NCK2: variants seen among roughly 807,000 people sequenced by gnomAD.
NCK2 encodes NCK adaptor protein 2, also known as cytoplasmic protein NCK2.
Under a neutral mutation model 33.9 loss-of-function variants are expected in NCK2, and 16 were observed. The observed-to-expected ratio is 0.47, with a 90% confidence interval of 0.32 to 0.72. The LOEUF (loss-of-function observed/expected upper bound fraction) is 0.72, where lower values mean the gene tolerates loss of function less well. Among genes scored for constraint, NCK2 ranks in the 30% least tolerant of loss-of-function variants. The pLI is 0.03. For synonymous variants in NCK2, 273 were observed against 239.9 expected, an observed-to-expected ratio of 1.14 and a Z score of -1.27; for missense variants, 418 against 537.3, an observed-to-expected ratio of 0.78 and a Z score of 2.19.
At chr2:105,802,461 C>T (rs1325273345) in intron 1 of NCK2, among the ~76,000 whole-genome samples, 2 of 152,174 alleles carry the variant, frequency 1.3e-5, no homozygotes, top group Non-Finnish European at 2.9e-5. Flanking sequence ...GCAGGAGGTA[C>T]AGGAAGCATG....
chr2:105,797,391 G>T (rs535943410), intron 1 of NCK2, among the ~76,000 whole-genome samples: 2 of 152,170 alleles, frequency 1.3e-5, no homozygotes, highest in African/African-American at 2.4e-5. Context: ...CCAGCCATGC[G>T]GTTCCATATT....
chr2:105,841,703 G>A (rs1290174603), intron 2 of NCK2, among the ~76,000 whole-genome samples: 1 of 138,098 alleles, frequency 7.2e-6, no homozygotes, highest in Non-Finnish European at 1.6e-5. Flanking sequence ...TCCTGAAGCT[G>A]CCTAGGGGCT....
At chr2:105,800,477 T>C (rs1674787415) in intron 1 of NCK2, among the ~76,000 whole-genome samples, 1 of 152,324 alleles carries the variant, frequency 6.6e-6, no homozygotes, top group East Asian at 1.9e-4. Flanking sequence ...GTTCCTGAGC[T>C]TTAAACTTGA....
chr2:105,879,391 G>C (rs1678371678), intron 3 of NCK2, among the ~76,000 whole-genome samples: 1 of 152,214 alleles, frequency 6.6e-6, no homozygotes, highest in African/African-American at 2.4e-5. Flanking sequence ...TTGTGGAGCT[G>C]TGGCGGTATC....
intron 3 of NCK2, among the ~76,000 whole-genome samples, chr2:105,869,551 A>G (rs1383918086): frequency 6.6e-6 from 1 of 152,210 alleles, no homozygotes; most frequent in African/African-American, 2.4e-5. Flanking sequence ...GTCTTTGCCA[A>G]CCACGTGCCA....
chr2:105,796,402 T>C (rs1691082041), intron 1 of NCK2, among the ~76,000 whole-genome samples: 1 of 152,192 alleles, frequency 6.6e-6, no homozygotes, highest in South Asian at 2.1e-4. Context: ...CAATTTCCAC[T>C]AAAAAGAGGA....
intron 1 of NCK2, among the ~76,000 whole-genome samples, chr2:105,787,980 C>T (rs1017127807): frequency 2.6e-5 from 4 of 151,660 alleles, no homozygotes; most frequent in African/African-American, 9.7e-5. Context: ...CTCCTGGGCT[C>T]CACGTGCCAC....
At chr2:105,841,476 C>G (rs1676642636) in intron 2 of NCK2, among the ~76,000 whole-genome samples, 2 of 152,148 alleles carry the variant, frequency 1.3e-5, no homozygotes, top group Non-Finnish European at 2.9e-5. Context: ...CATGCCTTCT[C>G]CAGGAACCTC....
At chr2:105,815,541 G>A (rs972492510) in intron 1 of NCK2, among the ~76,000 whole-genome samples, 4 of 152,172 alleles carry the variant, frequency 2.6e-5, no homozygotes, top group East Asian at 1.9e-4. Flanking sequence ...CCTCGAAAAC[G>A]TTAGTCAAGG....
intron 1 of NCK2, among the ~76,000 whole-genome samples, chr2:105,796,525 C>T (rs1691087368): frequency 6.6e-6 from 1 of 151,978 alleles, no homozygotes. Flanking sequence ...GCAGAGAGGG[C>T]CTGGGGACAT....
chr2:105,856,962 C>T (rs923963211), intron 3 of NCK2: 1 of 151,756 alleles, frequency 6.6e-6, no homozygotes, highest in Non-Finnish European at 1.5e-5. Flanking sequence ...CAATTTCTAC[C>T]TTTCACCAAA....
intron 2 of NCK2, among the ~76,000 whole-genome samples, chr2:105,838,044 A>G (rs916776324): frequency 2.6e-5 from 4 of 152,224 alleles, no homozygotes; most frequent in East Asian, 1.9e-4. Context: ...ATGAAAATCA[A>G]TAATTCCTAC....
intron 2 of NCK2, among the ~76,000 whole-genome samples, chr2:105,842,137 G>A (rs1412582926): frequency 6.6e-6 from 1 of 151,940 alleles, no homozygotes; most frequent in African/African-American, 2.4e-5. Context: ...CCAGGCTGGA[G>A]TGCAATGGCG....
intron 1 of NCK2, among the ~76,000 whole-genome samples, chr2:105,798,409 A>C (rs1453918593): frequency 6.6e-6 from 1 of 152,172 alleles, no homozygotes; most frequent in Non-Finnish European, 1.5e-5. Context: ...TTTTTATAAA[A>C]TGAAGAGATC....
intron 1 of NCK2, among the ~76,000 whole-genome samples, chr2:105,814,489 G>C (rs924580663): frequency 8.5e-5 from 13 of 152,158 alleles, no homozygotes; most frequent in Non-Finnish European, 1.8e-4. Flanking sequence ...CTTGCCCACT[G>C]TGCCTAGTAT....
At chr2:105,847,171 G>A (rs1371076364) in intron 2 of NCK2, 1 of 152,134 alleles carries the variant, frequency 6.6e-6, no homozygotes, top group Non-Finnish European at 1.5e-5. Context: ...GAGAAATTGA[G>A]AGTTAGTGTT....
At chr2:105,745,406 C>A (rs1331591351) in intron 1 of NCK2, among the ~76,000 whole-genome samples, 1 of 151,830 alleles carries the variant, frequency 6.6e-6, no homozygotes, top group Non-Finnish European at 1.5e-5. Context: ...GGGGCGGGGA[C>A]GCCAGCCAAG....
intron 1 of NCK2, among the ~76,000 whole-genome samples, chr2:105,804,980 T>G (rs1674975547): frequency 6.6e-6 from 1 of 152,076 alleles, no homozygotes; most frequent in Admixed American, 6.5e-5. Flanking sequence ...GAAGTGGAAG[T>G]TTATTGAACC....
chr2:105,891,099 C>G (rs1308195613), intron 4 of NCK2, among the ~76,000 whole-genome samples: 2 of 152,248 alleles, frequency 1.3e-5, no homozygotes, highest in African/African-American at 4.8e-5. Flanking sequence ...CCAGAGGGCT[C>G]TCCTGCCCCC....
Sources: allele counts gnomAD v4.1 joint callset (sites outside exome capture counted in the v4.1 genomes callset), GRCh38; gene constraint gnomAD v4.1.1; transcripts MANE v1.5; gene names NCBI Gene and HGNC (gene_info 2026-07-23, HGNC 2026-07-21).